The following MYO18B variants were observed in gnomAD, a reference collection of about 807,000 sequenced individuals.
MYO18B encodes myosin XVIIIB.
A neutral mutation model predicts 273.0 loss-of-function variants in MYO18B; 204 were observed. That is an observed-to-expected ratio of 0.75 (90% CI 0.67 to 0.84). The LOEUF (loss-of-function observed/expected upper bound fraction) is 0.84. MYO18B is among the 40% of genes least tolerant of loss of function. The pLI, the probability that MYO18B is intolerant of heterozygous loss-of-function variation, is 0.00. For missense variants in MYO18B, 3,212 were observed against 3,287.6 expected (o/e 0.98, Z 0.56); for synonymous variants, 1,330 against 1,305.7 (o/e 1.02, Z -0.40).
At position 26,026,704 on chromosome 22, in the gene MYO18B, C is replaced by T; in HGVS notation, c.6730C>T (p.Pro2244Ser). ...ATCCCCGCTGTCGAGGGAAAAGCTG[C>T]CCAGTCCTTCAGCGGCCCTCTCGGA... is the stretch of plus-strand genomic sequence containing the variant. ...NTSPLSREKL[P>S]SPSAALSEFV... Residue 2244 changes from proline (P) to serine (S), a missense_variant, in exon 43 of 44, where the codon CCC becomes TCC. Coordinates refer to ENST00000335473, the MANE Select transcript of MYO18B (RefSeq NM_032608.7). 6.2e-7 allele frequency: 1 copy of T among 1,613,844 alleles called. No individual in the cohort carries two copies. Among genetic ancestry groups the T allele is most frequent in the Non-Finnish European group, 8.5e-7 (1 of 1,179,870 alleles).
the MYO18B span, among the ~76,000 whole-genome samples, chr22:26,048,587 G>A: frequency 6.6e-6 from 1 of 152,000 alleles, no homozygotes; most frequent in Non-Finnish European, 1.5e-5. Flanking sequence ...CCATTCTATG[G>A]CTTCCTTTTA....
chr22:25,792,492 C>CT (rs56047312), intron 11 of MYO18B, among the ~76,000 whole-genome samples: 2,735 of 32,130 alleles, frequency 0.085, 80 homozygotes, highest in East Asian at 0.17. Flanking sequence ...TTTTTTTTTT[C>CT]TTTTCTTTTT....
chr22:25,775,411 C>T (rs2086878424), intron 7 of MYO18B, among the ~76,000 whole-genome samples: 1 of 152,210 alleles, frequency 6.6e-6, no homozygotes, highest in South Asian at 2.1e-4. Flanking sequence ...GGCCAAAGGA[C>T]TGCGCTAGGG....
At chr22:25,843,104 G>T (rs149586947) in intron 17 of MYO18B, among the ~76,000 whole-genome samples, 16 of 151,952 alleles carry the variant, frequency 1.1e-4, no homozygotes, top group African/African-American at 3.6e-4. Context: ...AGAGACTTAC[G>T]GGGCTTGGCA....
At chr22:25,911,880 A>G (rs1003973790) in intron 33 of MYO18B, among the ~76,000 whole-genome samples, 1 of 152,224 alleles carries the variant, frequency 6.6e-6, no homozygotes, top group South Asian at 2.1e-4. Context: ...TAGATACTCT[A>G]TTCCCTTCCT....
At chr22:25,947,963 G>A in intron 36 of MYO18B, 135 bp downstream of exon 36, 1 of 670,366 alleles carries the variant, frequency 1.5e-6, no homozygotes, top group Non-Finnish European at 2.7e-6. Flanking sequence ...AGATAGTTAG[G>A]AATTGTGCAT....
chr22:25,742,282 T>A lies in MYO18B; in HGVS notation c.-121T>A, dbSNP rs1229191511. Reference sequence around the variant, plus strand: ...GTCGTGGTTCCTGTGATCTGTGTCCTCTTTGCAGAAGGTACTATTGGGCTG... The same window carrying A: ...GTCGTGGTTCCTGTGATCTGTGTCCACTTTGCAGAAGGTACTATTGGGCTG... On this transcript the variant is annotated 5_prime_UTR_variant, in exon 1 of 44. Coordinates refer to ENST00000335473, the MANE Select transcript of MYO18B (RefSeq NM_032608.7). 3 of 152,222 alleles carry A rather than the reference T, an allele frequency of 2.0e-5. No homozygotes were observed. Among genetic ancestry groups the A allele is most frequent in the East Asian group, 3.9e-4 (2 of 5,182 alleles). The allele number at this position is 152,222 out of a possible 1,614,324, so 9.4% of individuals were successfully genotyped here.
intron 34 of MYO18B, among the ~76,000 whole-genome samples, chr22:25,922,930 T>A (rs2092369271): frequency 6.6e-6 from 1 of 152,176 alleles, no homozygotes; most frequent in Non-Finnish European, 1.5e-5. Flanking sequence ...TAGACTTGAT[T>A]TGAATTTCAC....
At chr22:25,949,922 A>T (rs1465459887) in intron 36 of MYO18B, among the ~76,000 whole-genome samples, 1 of 152,194 alleles carries the variant, frequency 6.6e-6, no homozygotes, top group Non-Finnish European at 1.5e-5. Flanking sequence ...GAACAAACCC[A>T]ATACGGAAAG....
At chr22:25,977,724 A>G (rs114483883) in intron 39 of MYO18B, among the ~76,000 whole-genome samples, 1 of 152,336 alleles carries the variant, frequency 6.6e-6, no homozygotes, top group African/African-American at 2.4e-5. Flanking sequence ...CTGTCACTCA[A>G]TAGTTCTAAG....
chr22:26,036,977 C>A, the MYO18B span, among the ~76,000 whole-genome samples: 1 of 152,198 alleles, frequency 6.6e-6, no homozygotes, highest in African/African-American at 2.4e-5. Flanking sequence ...ACAAGTGGAG[C>A]TGGGATTTGA....
At chr22:25,825,810 T>A (rs1445923918) in intron 13 of MYO18B, among the ~76,000 whole-genome samples, 1 of 152,218 alleles carries the variant, frequency 6.6e-6, no homozygotes, top group Non-Finnish European at 1.5e-5. Flanking sequence ...TCTCTCAATA[T>A]TTCATTAGAA....
rs540373987 is a variant in MYO18B, at chr22:25,931,013, G to A, written c.5517+9604G>A. 7.9e-5 allele frequency among the ~76,000 whole-genome samples: 12 copies of A among 152,184 alleles called. No individual in the cohort carries two copies. In the East Asian group the frequency reaches 2.3e-3, roughly 29 times the overall value. On this transcript the variant is annotated intron_variant, in intron 34 of 43. Transcript: ENST00000335473. Reference sequence around the variant, plus strand: ...ATGCTTCCATGAGACATTGGAAATAGTTAGTAAGCACTGGGAAGATGACCC... The same window carrying A: ...ATGCTTCCATGAGACATTGGAAATAATTAGTAAGCACTGGGAAGATGACCC...
chr22:26,026,901 AC>A lies in MYO18B; in HGVS notation c.6931del (p.Leu2311TrpfsTer11). The A allele has an allele frequency of 6.2e-7, 1 of 1,606,522 alleles. No homozygotes were observed. Among genetic ancestry groups the A allele is most frequent in the Non-Finnish European group, 8.5e-7 (1 of 1,175,404 alleles). ...NLSLRVGAKS[P>X]LEIEGAAGGL... ...TCTCGCTGAGGGTTGGGGCAAAGTCACCCCTGGAAATCGAAGGGGCCGCTGG... is the reference window on the plus strand; with the variant it reads ...TCTCGCTGAGGGTTGGGGCAAAGTCACCCTGGAAATCGAAGGGGCCGCTGG... On this transcript the variant is annotated frameshift_variant, in exon 43 of 44. Coordinates refer to ENST00000335473, the MANE Select transcript of MYO18B (RefSeq NM_032608.7). LOFTEE classifies it high-confidence loss of function.
At chr22:25,804,983 C>T (rs2088401241) in intron 12 of MYO18B, among the ~76,000 whole-genome samples, 1 of 152,186 alleles carries the variant, frequency 6.6e-6, no homozygotes, top group African/African-American at 2.4e-5. Context: ...GCGAAGGGCC[C>T]ATGGCTGTGA....
chr22:25,829,628 C>T (rs1299387489), intron 15 of MYO18B, among the ~76,000 whole-genome samples: 1 of 151,936 alleles, frequency 6.6e-6, no homozygotes. Flanking sequence ...CACCTGAGGT[C>T]AGGAGTTCAA....
chr22:26,025,642 C>T (rs918515031), intron 42 of MYO18B, among the ~76,000 whole-genome samples: 2 of 152,032 alleles, frequency 1.3e-5, no homozygotes, highest in Admixed American at 6.6e-5. Flanking sequence ...GGAATGGGGT[C>T]GTTTCTCTTA....
chr22:26,007,703 C>T (rs1934546921), intron 42 of MYO18B, among the ~76,000 whole-genome samples: 1 of 152,160 alleles, frequency 6.6e-6, no homozygotes. Context: ...CCAACTTGCT[C>T]AGTTTATAGA....
chr22:26,026,999 A>G lies in MYO18B; in HGVS notation c.7025A>G (p.Glu2342Gly). The change falls in exon 43 of 44, where the codon GAA becomes GGA. Residue 2342 changes from glutamate (E) to glycine (G), a missense_variant. Coordinates refer to ENST00000335473, the MANE Select transcript of MYO18B (RefSeq NM_032608.7). Reference protein sequence around the residue: ...DGVGGTTLLPEKSKTQFSSCE... With the variant: ...DGVGGTTLLPGKSKTQFSSCE... ...GTTGGGGGCACAACCCTACTCCCCG[A>G]AAAGTCGAAAACCCAATTCAGTTCC... 1 of 1,613,960 alleles carries G rather than the reference A, an allele frequency of 6.2e-7. No individual in the cohort carries two copies. The highest frequency in any genetic ancestry group is 1.3e-5 in the African/African-American group (1 of 75,042).
Sources: allele counts gnomAD v4.1 joint callset (sites outside exome capture counted in the v4.1 genomes callset), GRCh38; gene constraint gnomAD v4.1.1; transcripts MANE v1.5; gene names NCBI Gene and HGNC (gene_info 2026-07-23, HGNC 2026-07-21).